CSMD1: variants seen among roughly 807,000 people sequenced by gnomAD.
The protein encoded by CSMD1 is CUB and sushi domain-containing protein 1.
In CSMD1, 213 loss-of-function variants were observed where a neutral mutation model predicts 417.5. The ratio of observed to expected loss-of-function variants is 0.51; its 90% CI spans 0.46 to 0.57. CSMD1 has a LOEUF of 0.57. Ranked by LOEUF, CSMD1 falls within the 20% of genes least tolerant of loss-of-function variation. The pLI, the probability that CSMD1 is intolerant of heterozygous loss-of-function variation, is 0.00. For synonymous variants in CSMD1, 2,862 were observed against 1,736.8 expected, an observed-to-expected ratio of 1.65 and a Z score of -16.11; for missense variants, 6,923 against 4,529.7, an observed-to-expected ratio of 1.53 and a Z score of -15.17.
In CSMD1 at chr8:4,871,581, G is replaced by A. The variant is rs1017613983; in HGVS notation, c.85+122751C>T. Among the ~76,000 whole-genome samples the A allele has an allele frequency of 8.5e-5, 13 of 152,106 alleles. 1 individual carries two copies. The South Asian group carries it at 2.7e-3, about 32-fold the overall frequency. On this transcript the variant is annotated intron_variant, in intron 1 of 69. Transcript: ENST00000635120. ...GTTTTGCTTTTATTATTTTTGATAA[G>A]GCAAAGATCAAATGGTTTTCATGAA...
chr8:3,661,085 G>C (rs913571505), intron 7 of CSMD1, among the ~76,000 whole-genome samples: 3 of 152,172 alleles, frequency 2.0e-5, no homozygotes, highest in African/African-American at 7.2e-5. Flanking sequence ...ACAAATGCTA[G>C]GATACAGCCG....
intron 11 of CSMD1, among the ~76,000 whole-genome samples, chr8:3,469,797 T>A (rs1276370905): frequency 6.6e-6 from 1 of 152,192 alleles, no homozygotes. Flanking sequence ...TGTCATTATA[T>A]GTGAAGTAAC....
chr8:3,352,813 C>G (rs1224598662), intron 21 of CSMD1, among the ~76,000 whole-genome samples: 1 of 152,176 alleles, frequency 6.6e-6, no homozygotes, highest in Admixed American at 6.5e-5. Context: ...GCACTCTACT[C>G]TGGGCAACAA....
chr8:3,194,381 T>C (rs1172282471), intron 33 of CSMD1, among the ~76,000 whole-genome samples: 1 of 151,256 alleles, frequency 6.6e-6, no homozygotes, highest in Non-Finnish European at 1.5e-5. Flanking sequence ...TTTAGGTCTG[T>C]TTATTTTCAG....
rs563082953 is a variant in CSMD1, at chr8:3,892,531, CAAA to C, written c.818+105369_818+105371del. 1.9e-3 allele frequency among the ~76,000 whole-genome samples: 73 copies of C among 38,294 alleles called. No homozygotes were observed. The South Asian group carries it at 0.099, about 52-fold the overall frequency. 25.1% of individuals were successfully genotyped at this position (38,294 alleles called of 152,430 possible). A position where few individuals can be genotyped will look rare whatever the true frequency, so the allele number is the denominator to read the frequency against. ...CCAATCCTATGTTAGAGGAATTTTG[CAAA>C]AATAATAATAATAATAATAATAATA... On this transcript the variant is annotated intron_variant, in intron 5 of 69. Coordinates refer to ENST00000635120, the MANE Select transcript of CSMD1 (RefSeq NM_033225.6).
intron 3 of CSMD1, among the ~76,000 whole-genome samples, chr8:4,381,484 C>T (rs1434138851): frequency 2.0e-5 from 3 of 152,186 alleles, no homozygotes; most frequent in Non-Finnish European, 4.4e-5. Flanking sequence ...TGTCTTCCAA[C>T]TGGCAGGCCT....
At chr8:3,431,293 A>G (rs1219275893) in intron 12 of CSMD1, among the ~76,000 whole-genome samples, 4 of 152,038 alleles carry the variant, frequency 2.6e-5, no homozygotes, top group Admixed American at 6.6e-5. Flanking sequence ...GCCATCACTA[A>G]TCTTGTCTAA....
intron 3 of CSMD1, among the ~76,000 whole-genome samples, chr8:4,177,412 C>G (rs1798115077): frequency 6.6e-6 from 1 of 152,184 alleles, no homozygotes; most frequent in South Asian, 2.1e-4. Context: ...ACCAGAATCT[C>G]TGGGGCACAT....
At chr8:4,395,056 G>C (rs572191880) in intron 3 of CSMD1, among the ~76,000 whole-genome samples, 20 of 152,242 alleles carry the variant, frequency 1.3e-4, no homozygotes, top group African/African-American at 4.8e-4. Flanking sequence ...TCCCGTGCTG[G>C]ACAGCTCCAG....
At chr8:4,961,810 C>G (rs1028184817) in intron 1 of CSMD1, among the ~76,000 whole-genome samples, 1 of 152,070 alleles carries the variant, frequency 6.6e-6, no homozygotes, top group African/African-American at 2.4e-5. Context: ...ACAAATACTG[C>G]TAATCTACTT....
chr8:3,103,241 T>C (rs1298987736), intron 46 of CSMD1, among the ~76,000 whole-genome samples: 1 of 152,206 alleles, frequency 6.6e-6, no homozygotes, highest in African/African-American at 2.4e-5. Context: ...CCAGGCCTTC[T>C]CCCTGTAACC....
At chr8:4,221,682 C>T (rs1347760982) in intron 3 of CSMD1, among the ~76,000 whole-genome samples, 1 of 152,164 alleles carries the variant, frequency 6.6e-6, no homozygotes, top group Non-Finnish European at 1.5e-5. Flanking sequence ...ACTGCCATTC[C>T]CACATTCCAG....
intron 3 of CSMD1, among the ~76,000 whole-genome samples, chr8:4,185,085 G>C (rs1048046289): frequency 1.4e-5 from 2 of 142,090 alleles, no homozygotes; most frequent in Non-Finnish European, 3.0e-5. Flanking sequence ...GTTGCAGTGA[G>C]CCAAGATCGC....
chr8:4,946,453 G>A (rs1808373989), intron 1 of CSMD1, among the ~76,000 whole-genome samples: 1 of 152,062 alleles, frequency 6.6e-6, no homozygotes, highest in African/African-American at 2.4e-5. Context: ...TGACAGGCTG[G>A]TCTGCCCAGT....
intron 26 of CSMD1, among the ~76,000 whole-genome samples, chr8:3,246,434 A>G (rs1197291554): frequency 2.0e-5 from 3 of 151,996 alleles, no homozygotes; most frequent in African/African-American, 7.2e-5. Context: ...AAACTCTTCT[A>G]TTCTCTGTTC....
chr8:4,831,079 G>A (rs1290116249), intron 1 of CSMD1, among the ~76,000 whole-genome samples: 1 of 152,166 alleles, frequency 6.6e-6, no homozygotes, highest in Non-Finnish European at 1.5e-5. Flanking sequence ...ACTCAAAGTG[G>A]GAGGGATGTT....
intron 5 of CSMD1, among the ~76,000 whole-genome samples, chr8:3,953,648 G>A (rs1029264823): frequency 6.6e-6 from 1 of 152,094 alleles, no homozygotes; most frequent in Non-Finnish European, 1.5e-5. Flanking sequence ...CCTCACCTAA[G>A]AACGCTGGGA....
At chr8:3,060,260 C>G (rs1294500292) in intron 49 of CSMD1, among the ~76,000 whole-genome samples, 1 of 151,538 alleles carries the variant, frequency 6.6e-6, no homozygotes, top group African/African-American at 2.4e-5. Context: ...ATTCTCCTGT[C>G]TCAGCCTCCT....
intron 6 of CSMD1, among the ~76,000 whole-genome samples, chr8:3,733,602 C>G (rs1369189244): frequency 1.3e-5 from 2 of 152,048 alleles, no homozygotes; most frequent in Non-Finnish European, 2.9e-5. Flanking sequence ...CTGCACCGCC[C>G]TGCTGCATCC....
Sources: gnomAD v4.1 joint callset for allele counts (sites outside exome capture counted in the v4.1 genomes callset) on GRCh38, gnomAD v4.1.1 for gene constraint, MANE v1.5 for transcripts, NCBI Gene and HGNC (gene_info 2026-07-23, HGNC 2026-07-21) for gene names.